FHIT: variants seen among roughly 807,000 people sequenced by gnomAD.
FHIT encodes fragile histidine triad diadenosine triphosphatase.
Under a neutral mutation model 17.9 loss-of-function variants are expected in FHIT, and 19 were observed. The observed-to-expected ratio is 1.06, with a 90% CI of 0.74 to 1.56. The LOEUF is 1.56. FHIT is among the 40% of genes most tolerant of loss of function. The probability of loss-of-function intolerance (pLI) is 0.00; values close to 1 mark genes in which losing one functional copy is unlikely to be tolerated. For missense variants in FHIT, 248 were observed against 189.2 expected, an observed-to-expected ratio of 1.31 and a Z score of -1.82; for synonymous variants, 81 against 69.7, an observed-to-expected ratio of 1.16 and a Z score of -0.81.
chr3:60,161,808 G>T (rs753391111), intron 5 of FHIT, among the ~76,000 whole-genome samples: 3 of 152,122 alleles, frequency 2.0e-5, no homozygotes. Flanking sequence ...CACACAAAGA[G>T]GGGCACCTGG....
chr3:60,248,298 A>C (rs1322676680), intron 5 of FHIT, among the ~76,000 whole-genome samples: 3 of 152,156 alleles, frequency 2.0e-5, no homozygotes, highest in Non-Finnish European at 4.4e-5. Context: ...GAGGTGATAA[A>C]CAATTCAGAA....
intron 8 of FHIT, among the ~76,000 whole-genome samples, chr3:59,793,089 G>C (rs1699636643): frequency 6.6e-6 from 1 of 152,042 alleles, no homozygotes; most frequent in African/African-American, 2.4e-5. Context: ...TTAGCTCTGT[G>C]CCTGGCAGAG....
At chr3:60,181,296 C>A (rs976580949) in intron 5 of FHIT, among the ~76,000 whole-genome samples, 1 of 152,006 alleles carries the variant, frequency 6.6e-6, no homozygotes, top group Non-Finnish European at 1.5e-5. Context: ...CAGGTGCCCA[C>A]CACCACATCT....
rs570206624 is a variant in FHIT at position 60,407,568 on chromosome 3, G to A, written c.103+129292C>T. On this transcript the variant is annotated intron_variant, in intron 5 of 9. Coordinates refer to ENST00000492590, the MANE Select transcript of FHIT (RefSeq NM_002012.4). ...TATTTATTGTTGCCCAAGCTGGAGTGCAGTGGCATGATCTCAGCTCACTGC... is the reference window on the plus strand; with the variant it reads ...TATTTATTGTTGCCCAAGCTGGAGTACAGTGGCATGATCTCAGCTCACTGC... Among the ~76,000 whole-genome samples the A allele has an allele frequency of 7.2e-5, 11 of 152,228 alleles. No individual in the cohort carries two copies. In the East Asian group the frequency reaches 1.2e-3, roughly 16 times the overall value.
At chr3:60,323,339 G>T (rs1709520112) in intron 5 of FHIT, among the ~76,000 whole-genome samples, 1 of 152,002 alleles carries the variant, frequency 6.6e-6, no homozygotes, top group African/African-American at 2.4e-5. Flanking sequence ...GGATAATAAA[G>T]AAAAAAATGA....
intron 5 of FHIT, among the ~76,000 whole-genome samples, chr3:60,455,233 T>A (rs1182473426): frequency 1.3e-5 from 2 of 151,772 alleles, no homozygotes; most frequent in Non-Finnish European, 2.9e-5. Context: ...TCGGGTTGGG[T>A]TTTCATTATG....
chr3:61,213,792 T>C (rs1452180629), intron 1 of FHIT, among the ~76,000 whole-genome samples: 2 of 152,046 alleles, frequency 1.3e-5, no homozygotes, highest in Non-Finnish European at 2.9e-5. Flanking sequence ...AGAACAGAAA[T>C]TATAACAAAT....
chr3:60,575,956 G>A (rs1393687637), intron 4 of FHIT, among the ~76,000 whole-genome samples: 3 of 152,118 alleles, frequency 2.0e-5, no homozygotes, highest in African/African-American at 7.2e-5. Context: ...TGACTGGTGG[G>A]AGATGTAGTT....
intron 8 of FHIT, among the ~76,000 whole-genome samples, chr3:59,801,852 G>A (rs1700006953): frequency 6.6e-6 from 1 of 152,156 alleles, no homozygotes; most frequent in Admixed American, 6.6e-5. Flanking sequence ...TCTGACCTTT[G>A]CTCATACCCT....
intron 2 of FHIT, among the ~76,000 whole-genome samples, chr3:61,132,929 G>T (rs1430340270): frequency 2.0e-5 from 3 of 152,212 alleles, no homozygotes; most frequent in Non-Finnish European, 4.4e-5. Flanking sequence ...TAGAAATGGG[G>T]TGTAGGGAGT....
intron 5 of FHIT, among the ~76,000 whole-genome samples, chr3:60,478,492 C>A (rs996984108): frequency 6.6e-6 from 1 of 152,018 alleles, no homozygotes; most frequent in Non-Finnish European, 1.5e-5. Flanking sequence ...GTGCCTCTTG[C>A]GGCAAAGAAA....
At chr3:60,743,181 C>A (rs2042273868) in intron 4 of FHIT, among the ~76,000 whole-genome samples, 1 of 152,184 alleles carries the variant, frequency 6.6e-6, no homozygotes, top group African/African-American at 2.4e-5. Context: ...TTTTTAGGCT[C>A]TGAGCTGCTT....
At position 60,559,245 on chromosome 3, in the gene FHIT, A is replaced by C. The variant is rs2036847410; in HGVS notation, c.-17-22266T>G. Among the ~76,000 whole-genome samples the C allele has an allele frequency of 2.0e-5, 3 of 152,236 alleles. No individual in the cohort carries two copies. In the South Asian group the frequency reaches 6.2e-4, roughly 32 times the overall value. ...GAATTAATATAAGACAAAATAAATAAGGAGACAATTAAAATTTCCCTAGAG... is the reference window on the plus strand; with the variant it reads ...GAATTAATATAAGACAAAATAAATACGGAGACAATTAAAATTTCCCTAGAG... On this transcript the variant is annotated intron_variant, in intron 4 of 9. Coordinates refer to ENST00000492590, the MANE Select transcript of FHIT (RefSeq NM_002012.4).
rs75696588 is a variant in FHIT, at chr3:60,372,886, T to C, written c.103+163974A>G. Among the ~76,000 whole-genome samples the C allele has an allele frequency of 8.3e-3, 1,262 of 152,310 alleles. 18 individuals are homozygous for C. Among genetic ancestry groups the C allele is most frequent in the African/African-American group, 0.029 (1,208 of 41,546 alleles). On this transcript the variant is annotated intron_variant, in intron 5 of 9. Coordinates refer to ENST00000492590, the MANE Select transcript of FHIT (RefSeq NM_002012.4). ...CAGTATATTCAGAGTGGAAATCAAA[T>C]GACTTAGGCTGGTTACAAAGATTTA...
At chr3:59,847,886 G>A (rs1002932896) in intron 8 of FHIT, among the ~76,000 whole-genome samples, 2 of 152,144 alleles carry the variant, frequency 1.3e-5, no homozygotes, top group Non-Finnish European at 2.9e-5. Flanking sequence ...ATATGTAGTT[G>A]CTTTTGAATG....
At chr3:60,258,169 C>A (rs1309468697) in intron 5 of FHIT, among the ~76,000 whole-genome samples, 2 of 151,824 alleles carry the variant, frequency 1.3e-5, no homozygotes. Context: ...ATATTGCCAC[C>A]TCCAAATATT....
intron 3 of FHIT, among the ~76,000 whole-genome samples, chr3:60,839,516 T>A (rs1031563198): frequency 5.9e-5 from 9 of 152,198 alleles, no homozygotes; most frequent in Non-Finnish European, 1.3e-4. Flanking sequence ...TCAGTGTCTG[T>A]CAAAACATTA....
At chr3:60,365,938 T>G (rs1700088476) in intron 5 of FHIT, among the ~76,000 whole-genome samples, 1 of 152,194 alleles carries the variant, frequency 6.6e-6, no homozygotes, top group African/African-American at 2.4e-5. Context: ...TGCTAATGCC[T>G]CTTTGAAGCA....
intron 8 of FHIT, among the ~76,000 whole-genome samples, chr3:59,798,569 G>C (rs748075223): frequency 6.6e-6 from 1 of 152,220 alleles, no homozygotes; most frequent in Non-Finnish European, 1.5e-5. Context: ...CAAGGCCACA[G>C]ATGTAGCTAG....
Sources: allele counts gnomAD v4.1 joint callset (sites outside exome capture counted in the v4.1 genomes callset), GRCh38; gene constraint gnomAD v4.1.1; transcripts MANE v1.5; gene names NCBI Gene and HGNC (gene_info 2026-07-23, HGNC 2026-07-21).